Variants in HSPA12A observed in about 807,000 individuals in gnomAD.
The protein encoded by HSPA12A is heat shock protein family A (Hsp70) member 12A.
HSPA12A carries 28 observed loss-of-function variants against 69.2 expected under a neutral mutation model. That is an observed-to-expected ratio of 0.40 (90% CI 0.30 to 0.55). The LOEUF (loss-of-function observed/expected upper bound fraction) is 0.55. HSPA12A is among the 20% of genes least tolerant of loss of function. The probability of loss-of-function intolerance (pLI) is 0.38; values close to 1 mark genes in which losing one functional copy is unlikely to be tolerated. For synonymous variants in HSPA12A, 345 were observed against 370.5 expected, an observed-to-expected ratio of 0.93 and a Z score of 0.79; for missense variants, 686 against 900.7, an observed-to-expected ratio of 0.76 and a Z score of 3.05.
intron 2 of HSPA12A, among the ~76,000 whole-genome samples, chr10:116,812,129 A>C (rs768628008): frequency 6.6e-6 from 1 of 152,116 alleles, no homozygotes; most frequent in Non-Finnish European, 1.5e-5. Context: ...ACAAAGACAC[A>C]CTTTGTATAT....
At chr10:116,774,989 A>T in intron 2 of HSPA12A, among the ~76,000 whole-genome samples, 1 of 138,710 alleles carries the variant, frequency 7.2e-6, no homozygotes, top group South Asian at 2.6e-4. Flanking sequence ...ACTGCTCCCA[A>T]CTGTGCTGCT....
At chr10:116,699,102 C>T (rs1319348489) in intron 4 of HSPA12A, among the ~76,000 whole-genome samples, 2 of 151,746 alleles carry the variant, frequency 1.3e-5, no homozygotes, top group African/African-American at 2.4e-5. Context: ...TTTCCACATT[C>T]GAACACACAT....
chr10:116,730,553 T>A (rs575234896), intron 1 of HSPA12A, among the ~76,000 whole-genome samples: 2 of 152,286 alleles, frequency 1.3e-5, no homozygotes, highest in South Asian at 2.1e-4. Context: ...GGCACCACGA[T>A]CTGAACCAAG....
chr10:116,791,513 G>A (rs1164487659), intron 2 of HSPA12A, among the ~76,000 whole-genome samples: 1 of 152,182 alleles, frequency 6.6e-6, no homozygotes, highest in Non-Finnish European at 1.5e-5. Flanking sequence ...TTCAGAAGAA[G>A]AATAGAGGTT....
chr10:116,677,998 A>C (rs1195622202), intron 10 of HSPA12A, among the ~76,000 whole-genome samples: 15 of 150,330 alleles, frequency 1.0e-4, no homozygotes, highest in Non-Finnish European at 1.5e-5. Context: ...TTTTTTTTTT[A>C]ACTCATAAAT....
chr10:116,726,323 T>C (rs1443414518), intron 1 of HSPA12A, among the ~76,000 whole-genome samples: 1 of 151,840 alleles, frequency 6.6e-6, no homozygotes, highest in East Asian at 1.9e-4. Context: ...GCTTCTAACA[T>C]CTCTCAGCCC....
At chr10:116,741,423 C>T (rs1436258836) in intron 1 of HSPA12A, among the ~76,000 whole-genome samples, 1 of 152,236 alleles carries the variant, frequency 6.6e-6, no homozygotes, top group Admixed American at 6.5e-5. Context: ...ATATCATCCT[C>T]GCAGGCGGCT....
chr10:116,788,906 C>A (rs544444390), intron 2 of HSPA12A, among the ~76,000 whole-genome samples: 1 of 148,426 alleles, frequency 6.7e-6, no homozygotes, highest in South Asian at 2.1e-4. Flanking sequence ...TGCTCTGTCA[C>A]CCAGGCTGGA....
intron 2 of HSPA12A, among the ~76,000 whole-genome samples, chr10:116,824,471 A>G (rs1333997881): frequency 6.6e-6 from 1 of 152,246 alleles, no homozygotes; most frequent in African/African-American, 2.4e-5. Context: ...TATTCATAAT[A>G]GCCCCAAAAT....
intron 1 of HSPA12A, among the ~76,000 whole-genome samples, chr10:116,716,100 A>G (rs1850595314): frequency 6.6e-6 from 1 of 150,930 alleles, no homozygotes; most frequent in Non-Finnish European, 1.5e-5. Flanking sequence ...TCATCAGCTG[A>G]CAGCTCCTAG....
intron 1 of HSPA12A, among the ~76,000 whole-genome samples, chr10:116,729,280 T>C (rs1220391032): frequency 2.0e-5 from 3 of 152,110 alleles, no homozygotes; most frequent in South Asian, 2.1e-4. Context: ...GATGCTATCA[T>C]TGGGTCGACC....
chr10:116,690,820 T>C (rs1304210837), intron 6 of HSPA12A, among the ~76,000 whole-genome samples: 1 of 151,700 alleles, frequency 6.6e-6, no homozygotes, highest in African/African-American at 2.4e-5. Flanking sequence ...TTTCAGGCTA[T>C]AAATAAGAAT....
intron 2 of HSPA12A, among the ~76,000 whole-genome samples, chr10:116,706,630 C>A (rs903172051): frequency 2.0e-5 from 3 of 152,186 alleles, no homozygotes; most frequent in Admixed American, 1.3e-4. Flanking sequence ...GCACACCCCT[C>A]TAAACGGCCG....
intron 2 of HSPA12A, among the ~76,000 whole-genome samples, chr10:116,753,440 G>A (rs1843753651): frequency 6.6e-6 from 1 of 152,210 alleles, no homozygotes; most frequent in South Asian, 2.1e-4. Flanking sequence ...ACCAGGTTCT[G>A]TCTTTTGCTG....
chr10:116,809,618 G>C (rs946343494), intron 2 of HSPA12A, among the ~76,000 whole-genome samples: 1 of 152,182 alleles, frequency 6.6e-6, no homozygotes, highest in African/African-American at 2.4e-5. Flanking sequence ...ACACATTTCA[G>C]CGACGCCGGG....
intron 2 of HSPA12A, among the ~76,000 whole-genome samples, chr10:116,819,206 C>T (rs915531705): frequency 6.6e-6 from 1 of 152,176 alleles, no homozygotes; most frequent in Non-Finnish European, 1.5e-5. Context: ...TTCCTTTCTG[C>T]CCCAAATGCC....
At chr10:116,684,800 G>A (rs1849527809) in intron 6 of HSPA12A, among the ~76,000 whole-genome samples, 1 of 152,162 alleles carries the variant, frequency 6.6e-6, no homozygotes, top group African/African-American at 2.4e-5. Flanking sequence ...TGGGGCCTTG[G>A]CCTGTAGTAG....
chr10:116,737,891 T>G (rs1392817505), intron 1 of HSPA12A, among the ~76,000 whole-genome samples: 1 of 152,166 alleles, frequency 6.6e-6, no homozygotes, highest in Non-Finnish European at 1.5e-5. Context: ...GGGGCAGGTT[T>G]CAATTCTGAG....
intron 1 of HSPA12A, among the ~76,000 whole-genome samples, chr10:116,845,645 T>G (rs534935056): frequency 6.6e-6 from 1 of 152,272 alleles, no homozygotes; most frequent in East Asian, 1.9e-4. Flanking sequence ...GCTCCCCAGT[T>G]TGCTAAGTTT....
Sources: gnomAD v4.1 joint callset for allele counts (sites outside exome capture counted in the v4.1 genomes callset) on GRCh38, gnomAD v4.1.1 for gene constraint, MANE v1.5 for transcripts, NCBI Gene and HGNC (gene_info 2026-07-23, HGNC 2026-07-21) for gene names.